The following LRP2 variants were observed in gnomAD, a reference collection of about 807,000 sequenced individuals.
LRP2 encodes the protein low-density lipoprotein receptor-related protein 2.
Under a neutral mutation model 531.0 loss-of-function variants are expected in LRP2, and 172 were observed. That is an observed-to-expected ratio of 0.32 (90% confidence interval 0.29 to 0.37). The LOEUF (loss-of-function observed/expected upper bound fraction) is 0.37. LRP2 is among the 10% of genes least tolerant of loss of function. LRP2 has a pLI of 1.00. For synonymous variants in LRP2, 1,992 were observed against 2,027.6 expected (o/e 0.98, Z 0.47); for missense variants, 5,167 against 5,868.3 (o/e 0.88, Z 3.90).
Position 169,294,245 on chromosome 2 carries a change from G to A in LRP2, c.555C>T (p.His185=), listed in dbSNP as rs1183510897. ...DEINCTEICL[H]NEFSCGNGEC... ...CTCCATTGCCACATGAAAACTCATT[G>A]TGCAAGCATATCTCAGCTGCAACAG... Residue 185 remains histidine (H), a synonymous_variant, in exon 6 of 79, where the codon CAC becomes CAT. Transcript: ENST00000649046. 5.6e-6 allele frequency: 9 copies of A among 1,606,906 alleles called. No homozygotes were observed. The highest frequency in any genetic ancestry group is 3.3e-5 in the Admixed American group (2 of 59,982).
chr2:169,193,428 C>CAAAA (rs1166288828), intron 47 of LRP2, among the ~76,000 whole-genome samples: 27 of 62,180 alleles, frequency 4.3e-4, no homozygotes, highest in Middle Eastern at 8.3e-3. Context: ...AAGACCTTGT[C>CAAAA]AAAAAAAAAA....
At chr2:169,197,133 A>T in intron 45 of LRP2, 103 bp from the exon 46 acceptor site, 1 of 1,398,180 alleles carries the variant, frequency 7.2e-7, no homozygotes, top group Non-Finnish European at 9.9e-7. Flanking sequence ...TAGTTACCAA[A>T]AAAGGAAGAC....
intron 3 of LRP2, among the ~76,000 whole-genome samples, chr2:169,308,883 T>G (rs1684505337): frequency 6.6e-6 from 1 of 152,148 alleles, no homozygotes; most frequent in South Asian, 2.1e-4. Flanking sequence ...CTCCAGCACC[T>G]GTTGTTTCTT....
intron 44 of LRP2, among the ~76,000 whole-genome samples, chr2:169,200,159 G>A (rs936209884): frequency 6.6e-6 from 1 of 152,178 alleles, no homozygotes; most frequent in Non-Finnish European, 1.5e-5. Context: ...GCTGAGGCAG[G>A]AGAATGGCGT....
chr2:169,329,231 C>T (rs1465585730), intron 1 of LRP2, among the ~76,000 whole-genome samples: 2 of 152,142 alleles, frequency 1.3e-5, no homozygotes, highest in African/African-American at 4.8e-5. Flanking sequence ...GGAGACCAGG[C>T]TTTGTGTGTA....
chr2:169,269,244 A>G (rs1340880340), intron 16 of LRP2, among the ~76,000 whole-genome samples: 1 of 152,164 alleles, frequency 6.6e-6, no homozygotes, highest in Non-Finnish European at 1.5e-5. Flanking sequence ...ACAGAATTGG[A>G]AAAAACTACT....
intron 31 of LRP2, among the ~76,000 whole-genome samples, chr2:169,230,815 C>T (rs892172088): frequency 1.3e-5 from 2 of 152,222 alleles, no homozygotes; most frequent in African/African-American, 4.8e-5. Flanking sequence ...TCCACACACT[C>T]TTCAATCGAC....
chr2:169,325,797 T>G (rs151142984), intron 1 of LRP2, among the ~76,000 whole-genome samples: 203 of 152,250 alleles, frequency 1.3e-3, no homozygotes, highest in Non-Finnish European at 7.9e-4. Context: ...AGGAATTCTT[T>G]TGGGTTTTTT....
intron 76 of LRP2, among the ~76,000 whole-genome samples, chr2:169,133,325 T>C (rs901084978): frequency 1.3e-5 from 2 of 152,228 alleles, no homozygotes; most frequent in African/African-American, 4.8e-5. Flanking sequence ...TTCACTCCTT[T>C]TCCTATATTT....
intron 41 of LRP2, among the ~76,000 whole-genome samples, chr2:169,204,658 C>T (rs1468171586): frequency 1.3e-5 from 2 of 152,124 alleles, no homozygotes; most frequent in South Asian, 2.1e-4. Context: ...TTATTGAGTA[C>T]CTTGAGGTGT....
chr2:169,326,906 C>T (rs1188168153), intron 1 of LRP2, among the ~76,000 whole-genome samples: 6 of 151,486 alleles, frequency 4.0e-5, no homozygotes, highest in African/African-American at 7.3e-5. Flanking sequence ...TGCCCGGCGG[C>T]GACCCCGTCT....
intron 1 of LRP2, among the ~76,000 whole-genome samples, chr2:169,330,608 G>T (rs143034777): frequency 1.8e-3 from 281 of 152,278 alleles, no homozygotes; most frequent in Non-Finnish European, 3.4e-3. Context: ...ATCGCCATTT[G>T]GGGTGGGACA....
At chr2:169,142,859 G>A (rs2105343051) in intron 70 of LRP2, 66 bp from the exon 71 acceptor site, 1 of 1,595,106 alleles carries the variant, frequency 6.3e-7, no homozygotes, top group South Asian at 1.1e-5. Flanking sequence ...CCCAGCAACT[G>A]GAAGTGGCTC....
chr2:169,240,508 G>A (rs1475301262), intron 25 of LRP2, among the ~76,000 whole-genome samples: 1 of 152,146 alleles, frequency 6.6e-6, no homozygotes. Flanking sequence ...ATCATACCTG[G>A]CTGGGGTTCA....
chr2:169,230,301 A>G (rs1376919953), intron 31 of LRP2, among the ~76,000 whole-genome samples: 1 of 152,252 alleles, frequency 6.6e-6, no homozygotes, highest in South Asian at 2.1e-4. Flanking sequence ...AGGATTAGGT[A>G]CATAATAAGT....
intron 41 of LRP2, among the ~76,000 whole-genome samples, chr2:169,204,829 T>C (rs1416426738): frequency 6.6e-6 from 1 of 152,188 alleles, no homozygotes; most frequent in Non-Finnish European, 1.5e-5. Context: ...ACACCAGCCA[T>C]AATAAACAAA....
intron 1 of LRP2, among the ~76,000 whole-genome samples, chr2:169,355,009 C>A (rs76358518): frequency 1.3e-5 from 2 of 152,132 alleles, no homozygotes; most frequent in Non-Finnish European, 2.9e-5. Flanking sequence ...GGAGTAGGAG[C>A]CTAAGATTCA....
chr2:169,202,635 G>T, intron 43 of LRP2, 121 bp downstream of exon 43: 1 of 992,282 alleles, frequency 1.0e-6, no homozygotes, highest in Non-Finnish European at 1.6e-6. Context: ...ACATTTTTCA[G>T]CTCTACCAGG....
Position 169,185,631 on chromosome 2 carries a change from C to T in LRP2, c.9717G>A (p.Lys3239=), listed in dbSNP as rs767537664. ...VVALDFDRVE[K]RLYWIDTQRQ... ...TCTGTGTATCAATCCAATACAATCT[C>T]TTCTCTACTCGGTCAAAATCTAATG... is the stretch of plus-strand genomic sequence containing the variant. The change falls in exon 50 of 79, where the codon AAG becomes AAA. Residue 3239 remains lysine (K), a synonymous_variant. Transcript: ENST00000649046. 3 of 1,614,182 alleles carry T rather than the reference C, an allele frequency of 1.9e-6. No individual in the cohort carries two copies. In the South Asian group the frequency reaches 3.3e-5, roughly 18 times the overall value.
Sources: gnomAD v4.1 joint callset for allele counts (sites outside exome capture counted in the v4.1 genomes callset) on GRCh38, gnomAD v4.1.1 for gene constraint, MANE v1.5 for transcripts, NCBI Gene and HGNC (gene_info 2026-07-23, HGNC 2026-07-21) for gene names.